The following HEXB variants were observed in gnomAD, a reference collection of about 807,000 sequenced individuals.
HEXB encodes hexosaminidase subunit beta, also known as beta-hexosaminidase subunit beta.
A neutral mutation model predicts 71.2 loss-of-function variants in HEXB; 51 were observed. The observed-to-expected ratio is 0.72, with a 90% CI of 0.57 to 0.90. The LOEUF (loss-of-function observed/expected upper bound fraction) is 0.90, where lower values mean the gene tolerates loss of function less well. Ranked by LOEUF, HEXB falls within the 40% of genes least tolerant of loss-of-function variation. HEXB has a pLI of 0.00. For missense variants in HEXB, 617 were observed against 677.0 expected (o/e 0.91, Z 0.98); for synonymous variants, 266 against 249.3 (o/e 1.07, Z -0.63).
chr5:74,684,324 T>C (rs558416513), upstream of HEXB, among the ~76,000 whole-genome samples: 13 of 152,340 alleles, frequency 8.5e-5, no homozygotes, highest in South Asian at 8.3e-4. Flanking sequence ...GAAATCAAAC[T>C]TGTCAGTTGG....
chr5:74,664,900 C>T (rs820858), intron 1 of HEXB, among the ~76,000 whole-genome samples: 38,501 of 152,066 alleles, frequency 0.25, 5,121 homozygotes, highest in Non-Finnish European at 0.29. Context: ...ACAGGATGCT[C>T]ACACTCTCGT....
intron 1 of HEXB, among the ~76,000 whole-genome samples, chr5:74,664,585 T>TA (rs1748400737): frequency 6.6e-6 from 1 of 151,634 alleles, no homozygotes; most frequent in Non-Finnish European, 1.5e-5. Flanking sequence ...AAATGAACTA[T>TA]AAAAAAACAA....
chr5:74,676,560 G>A (rs1748633482), intron 1 of HEXB, among the ~76,000 whole-genome samples: 1 of 152,178 alleles, frequency 6.6e-6, no homozygotes, highest in Non-Finnish European at 1.5e-5. Flanking sequence ...TCAGCCAGGA[G>A]TTCAAGACCA....
At chr5:74,679,051 C>T (rs762117481) in intron 1 of HEXB, among the ~76,000 whole-genome samples, 5 of 152,190 alleles carry the variant, frequency 3.3e-5, no homozygotes, top group Non-Finnish European at 7.3e-5. Flanking sequence ...AAAATTGGCA[C>T]TATCTACTAA....
chr5:74,649,905 A>T (rs963447195), intron 1 of HEXB, among the ~76,000 whole-genome samples: 1 of 152,248 alleles, frequency 6.6e-6, no homozygotes, highest in Admixed American at 6.5e-5. Flanking sequence ...TATGGAATGA[A>T]GCACTGTTTC....
At chr5:74,642,940 T>C (rs1747932718) in intron 1 of HEXB, among the ~76,000 whole-genome samples, 1 of 152,236 alleles carries the variant, frequency 6.6e-6, no homozygotes, top group African/African-American at 2.4e-5. Context: ...GAAAAAAAGC[T>C]GTAGACTGGA....
At chr5:74,650,141 A>G (rs1748075131) in intron 1 of HEXB, among the ~76,000 whole-genome samples, 1 of 152,232 alleles carries the variant, frequency 6.6e-6, no homozygotes, top group South Asian at 2.1e-4. Context: ...TGAAGTCTTT[A>G]TATAGGACAA....
At chr5:74,700,162 A>G (rs1056968808) in intron 5 of HEXB, among the ~76,000 whole-genome samples, 2 of 151,058 alleles carry the variant, frequency 1.3e-5, no homozygotes, top group Non-Finnish European at 2.9e-5. Flanking sequence ...ATGCACCACC[A>G]CACCCGGCTA....
intron 1 of HEXB, among the ~76,000 whole-genome samples, chr5:74,654,867 C>T (rs1748187832): frequency 6.6e-6 from 1 of 152,110 alleles, no homozygotes; most frequent in Non-Finnish European, 1.5e-5. Context: ...AAGAGAGAGG[C>T]CGGGAAGCAG....
At position 74,642,603 on chromosome 5, in the gene HEXB, TTG is replaced by T. The variant is rs545569988; in HGVS notation, c.-377+2048_-377+2049del. On this transcript the variant is annotated intron_variant, in intron 1 of 13. Coordinates refer to the HEXB transcript ENST00000511181. Reference sequence around the variant, plus strand: ...CCTAGACCCACTCTGTCTGCTTCCTTTGTGAGTCAAATCTACCTAAAACGGCA... The same window carrying T: ...CCTAGACCCACTCTGTCTGCTTCCTTTGAGTCAAATCTACCTAAAACGGCA... 6.2e-4 allele frequency among the ~76,000 whole-genome samples: 94 copies of T among 152,186 alleles called. 2 individuals are homozygous for T. Among genetic ancestry groups the T allele is most frequent in the African/African-American group, 2.2e-3 (90 of 41,522 alleles).
rs1364345148 is a variant in HEXB at position 74,669,280 on chromosome 5, G to A, written c.-376-20048G>A. 2.0e-5 allele frequency among the ~76,000 whole-genome samples: 3 copies of A among 151,724 alleles called. No individual in the cohort carries two copies. In the South Asian group the frequency reaches 6.2e-4, roughly 32 times the overall value. On this transcript the variant is annotated intron_variant, in intron 1 of 13. Transcript: ENST00000511181. ...ACCTTTAAATTTAGGTTACTTTTTC[G>A]ACATACAAAATTTAATTTAACTATT...
intron 5 of HEXB, among the ~76,000 whole-genome samples, chr5:74,704,326 C>CT (rs1364413479): frequency 6.6e-6 from 1 of 152,098 alleles, no homozygotes; most frequent in Non-Finnish European, 1.5e-5. Context: ...AAGAGGGAGT[C>CT]TTTAAGTTTT....
chr5:74,655,331 T>TTG (rs1748198055), intron 1 of HEXB, among the ~76,000 whole-genome samples: 1 of 114,404 alleles, frequency 8.7e-6, no homozygotes, highest in Admixed American at 9.3e-5. Context: ...TTTTTTTTTT[T>TTG]TGAGACAGGA....
At chr5:74,657,179 G>A (rs1301671264) in intron 1 of HEXB, among the ~76,000 whole-genome samples, 1 of 152,034 alleles carries the variant, frequency 6.6e-6, no homozygotes, top group Admixed American at 6.6e-5. Context: ...CCTGATAAAT[G>A]TACACTTTAT....
At chr5:74,694,188 T>G (rs1008421550) in intron 3 of HEXB, among the ~76,000 whole-genome samples, 2 of 152,076 alleles carry the variant, frequency 1.3e-5, no homozygotes, top group African/African-American at 4.8e-5. Flanking sequence ...AAATACAGCA[T>G]GGGAGAAAAC....
At chr5:74,692,334 CAA>C (rs916578254) in intron 2 of HEXB, among the ~76,000 whole-genome samples, 13 of 52,420 alleles carry the variant, frequency 2.5e-4, no homozygotes, top group Non-Finnish European at 3.1e-4. Flanking sequence ...CCTGTCTCTA[CAA>C]AAAAAAAAAA....
chr5:74,689,818 T>C, intron 2 of HEXB: 1 of 262,606 alleles, frequency 3.8e-6, no homozygotes, highest in Non-Finnish European at 7.3e-6. Flanking sequence ...AAAATGGCAG[T>C]AATTCTGTAC....
At chr5:74,649,154 G>T (rs924948882) in intron 1 of HEXB, among the ~76,000 whole-genome samples, 1 of 152,190 alleles carries the variant, frequency 6.6e-6, no homozygotes, top group Non-Finnish European at 1.5e-5. Context: ...AATGCCAAAT[G>T]TAATCTGGGG....
chr5:74,691,380 T>C (rs999030343), intron 2 of HEXB, among the ~76,000 whole-genome samples: 1 of 152,206 alleles, frequency 6.6e-6, no homozygotes, highest in Admixed American at 6.5e-5. Context: ...TTTGATGCAG[T>C]TTGCCTGTAA....
Sources: gnomAD v4.1 joint callset for allele counts (sites outside exome capture counted in the v4.1 genomes callset) on GRCh38, gnomAD v4.1.1 for gene constraint, MANE v1.5 for transcripts, NCBI Gene and HGNC (gene_info 2026-07-23, HGNC 2026-07-21) for gene names.